Variants in CEP43 observed in about 807,000 individuals in gnomAD.
CEP43 encodes centrosomal protein 43, also known as FGFR1 oncogene partner.
CEP43 carries 36 observed loss-of-function variants against 52.6 expected under a neutral mutation model. The observed-to-expected ratio is 0.68, with a 90% CI of 0.52 to 0.90. CEP43 has a LOEUF of 0.90. Among genes scored for constraint, CEP43 ranks in the 40% least tolerant of loss-of-function variants. CEP43 has a pLI of 0.00. For synonymous variants in CEP43, 192 were observed against 172.4 expected (o/e 1.11, Z -0.89); for missense variants, 506 against 472.8 (o/e 1.07, Z -0.65).
At chr6:167,036,518 C>T (rs143420178) in intron 12 of CEP43, 24 of 985,292 alleles carry the variant, frequency 2.4e-5, no homozygotes, top group African/African-American at 1.0e-4. Context: ...AGGGACAGAA[C>T]ATAAGTGTGC....
At chr6:167,024,320 G>C (rs1202967621) in intron 8 of CEP43, among the ~76,000 whole-genome samples, 1 of 152,156 alleles carries the variant, frequency 6.6e-6, no homozygotes, top group Non-Finnish European at 1.5e-5. Flanking sequence ...AAACCCGGAG[G>C]GTTGTTGGGC....
intron 12 of CEP43, among the ~76,000 whole-genome samples, chr6:167,039,421 G>A (rs1039246220): frequency 8.5e-5 from 13 of 152,176 alleles, no homozygotes; most frequent in East Asian, 5.8e-4. Flanking sequence ...GAGCCACTGC[G>A]CCTGGCCTAT....
At chr6:167,025,748 C>A (rs541191170) in intron 9 of CEP43, among the ~76,000 whole-genome samples, 1 of 152,166 alleles carries the variant, frequency 6.6e-6, no homozygotes, top group South Asian at 2.1e-4. Context: ...TTGCTTCTTT[C>A]CCGTGGTTAC....
intron 7 of CEP43, among the ~76,000 whole-genome samples, chr6:167,020,335 A>G (rs6900132): frequency 0.025 from 3,873 of 152,350 alleles, 172 homozygotes; most frequent in African/African-American, 0.09. Flanking sequence ...CCTACTGTCA[A>G]CTAGTCAAGA....
chr6:167,042,456 C>T lies in CEP43; in HGVS notation c.*2478C>T, dbSNP rs1780720044. ...TTTATACTTTATGTTGGATAACAAC[C>T]TGTGGGCAGTTGTGTAGATGCCATT... On this transcript the variant is annotated 3_prime_UTR_variant, in exon 13 of 13. Coordinates refer to ENST00000366847, the MANE Select transcript of CEP43 (RefSeq NM_007045.4). The T allele has an allele frequency of 6.0e-6, 5 of 837,900 alleles. No individual in the cohort carries two copies. Among genetic ancestry groups the T allele is most frequent in the Non-Finnish European group, 7.2e-6 (5 of 694,354 alleles). 51.9% of individuals were successfully genotyped at this position (837,900 alleles called of 1,614,324 possible). A position where few individuals can be genotyped will look rare whatever the true frequency, so the allele number is the denominator to read the frequency against.
rs536404238 is a variant in CEP43, at chr6:167,026,693, C to T, written c.988+78C>T. On this transcript the variant is annotated intron_variant, in intron 10 of 12. Transcript: ENST00000366847. ...GGTAAGGCTGTAAAAGAAGTGACTC[C>T]GTCTGCCTACGCTGAGCACCTTCCT... 2.6e-4 allele frequency: 219 copies of T among 847,820 alleles called. 1 individual carries two copies. In the South Asian group the frequency reaches 2.9e-3, roughly 11 times the overall value. 52.5% of individuals were successfully genotyped at this position (847,820 alleles called of 1,614,324 possible).
In CEP43 at chr6:167,022,517, C is replaced by G; in HGVS notation, c.688C>G (p.Leu230Val). ...CCATGAAACAAAAATTGGATCTTTT[C>G]TAAGCAACAGAACTTTAGATGGCAA... Reference protein sequence around the residue: ...LSHETKIGSFLSNRTLDGKDK... With the variant: ...LSHETKIGSFVSNRTLDGKDK... Residue 230 changes from leucine (L) to valine (V), a missense_variant, in exon 8 of 13, where the codon CTA becomes GTA. Coordinates refer to ENST00000366847, the MANE Select transcript of CEP43 (RefSeq NM_007045.4). 1 of 1,614,034 alleles carries G rather than the reference C, an allele frequency of 6.2e-7. No individual in the cohort carries two copies.
rs1380121496 is a variant in CEP43 at position 167,052,492 on chromosome 6, A to T, written c.*12514A>T. The T allele has an allele frequency of 6.6e-6, 1 of 152,170 alleles. No homozygotes were observed. Among genetic ancestry groups the T allele is most frequent in the African/African-American group, 2.4e-5 (1 of 41,430 alleles). 9.4% of individuals were successfully genotyped at this position (152,170 alleles called of 1,614,324 possible). Reference sequence around the variant, plus strand: ...AAGATGAAATCCCCCTCTTCCCTGCATCTTATTAGAACAGTGTATCCTGGA... The same window carrying T: ...AAGATGAAATCCCCCTCTTCCCTGCTTCTTATTAGAACAGTGTATCCTGGA... On this transcript the variant is annotated 3_prime_UTR_variant, in exon 13 of 13. Transcript: ENST00000366847.
In CEP43 at chr6:167,038,924, A is replaced by G. The variant is rs1013171599; in HGVS notation, c.1126-980A>G. Among the ~76,000 whole-genome samples the G allele has an allele frequency of 4.6e-5, 7 of 152,198 alleles. 1 individual carries two copies. The highest frequency in any genetic ancestry group is 1.7e-4 in the African/African-American group (7 of 41,522). ...CACCCTAGCAGTACACACCGGGCCC[A>G]ATTTGAGCCTTTTATCCCTCACCCT... On this transcript the variant is annotated intron_variant, in intron 12 of 12. Coordinates refer to ENST00000366847, the MANE Select transcript of CEP43 (RefSeq NM_007045.4).
chr6:167,036,668 A>G, intron 12 of CEP43: 2 of 985,012 alleles, frequency 2.0e-6, no homozygotes, highest in Non-Finnish European at 2.4e-6. Flanking sequence ...TTTCCCTTTC[A>G]AGACTCAAAA....
intron 5 of CEP43, among the ~76,000 whole-genome samples, chr6:167,009,261 T>C (rs905484184): frequency 1.3e-5 from 2 of 150,412 alleles, no homozygotes; most frequent in Non-Finnish European, 3.0e-5. Context: ...GTGCGGTGGC[T>C]CAAACCTGTA....
At position 167,050,789 on chromosome 6, in the gene CEP43, A is replaced by G. The variant is rs924252343; in HGVS notation, c.*10811A>G. ...GAGTGAGACTCAAAAAAGAAAAAAA[A>G]AAAAAAAAAAAAAAAGAAAGAAAAT... On this transcript the variant is annotated 3_prime_UTR_variant, in exon 13 of 13. Transcript: ENST00000366847. 4.8e-4 allele frequency: 70 copies of G among 146,288 alleles called. No individual in the cohort carries two copies. Among genetic ancestry groups the G allele is most frequent in the African/African-American group, 1.7e-3 (69 of 40,964 alleles). 9.1% of individuals were successfully genotyped at this position (146,288 alleles called of 1,614,324 possible).
intron 12 of CEP43, among the ~76,000 whole-genome samples, chr6:167,034,445 G>A (rs906264109): frequency 1.6e-4 from 24 of 152,220 alleles, no homozygotes; most frequent in Admixed American, 5.2e-4. Flanking sequence ...GTTAGAGTCC[G>A]TATTTGAGAT....
chr6:167,034,373 C>T (rs1780539367), intron 12 of CEP43, among the ~76,000 whole-genome samples: 1 of 152,212 alleles, frequency 6.6e-6, no homozygotes. Flanking sequence ...CCAGTTGTGA[C>T]ATCTGAACAG....
At chr6:167,036,141 G>A in intron 12 of CEP43, 2 of 985,370 alleles carry the variant, frequency 2.0e-6, no homozygotes, top group Non-Finnish European at 2.4e-6. Flanking sequence ...AGTGACAGGT[G>A]CCATAAAATG....
intron 7 of CEP43, among the ~76,000 whole-genome samples, chr6:167,017,544 T>A (rs899685357): frequency 6.6e-6 from 1 of 151,840 alleles, no homozygotes; most frequent in African/African-American, 2.4e-5. Context: ...ACAATAGTAT[T>A]TCTTTGATAT....
At position 167,036,215 on chromosome 6, in the gene CEP43, G is replaced by C. The variant is rs1227359960; in HGVS notation, c.1125+2244G>C. On this transcript the variant is annotated intron_variant, in intron 12 of 12. Transcript: ENST00000366847. ...CTAATATTTGACCGGGATTTTGAAA[G>C]ATGACTCTGACTTGGTTCTGCGAGG... The C allele has an allele frequency of 3.0e-6, 3 of 985,310 alleles. No individual in the cohort carries two copies. In the African/African-American group the frequency reaches 5.2e-5, roughly 17 times the overall value. The allele number at this position is 985,310 out of a possible 1,614,324, so 61.0% of individuals were successfully genotyped here.
rs749231041 is a variant in CEP43 at position 166,999,920 on chromosome 6, A to ACGTTT, written c.103-137_103-133dup. On this transcript the variant is annotated intron_variant, in intron 1 of 12. Transcript: ENST00000366847. ...GGTCGGAGAGCTTGTGTGACTGAGA[A>ACGTTT]CGTTTCGGAAGGCGTTTCTGACCTT... 82 of 641,842 alleles carry ACGTTT rather than the reference A, an allele frequency of 1.3e-4. No individual in the cohort carries two copies. The African/African-American group carries it at 1.3e-3, about 10-fold the overall frequency. The allele number at this position is 641,842 out of a possible 1,614,324, so 39.8% of individuals were successfully genotyped here.
chr6:167,012,032 G>A (rs1385729875), intron 6 of CEP43, among the ~76,000 whole-genome samples: 2 of 152,230 alleles, frequency 1.3e-5, no homozygotes, highest in Non-Finnish European at 2.9e-5. Flanking sequence ...GAGTGATGCT[G>A]TGGAGTCCAT....
Sources: allele counts gnomAD v4.1 joint callset (sites outside exome capture counted in the v4.1 genomes callset), GRCh38; gene constraint gnomAD v4.1.1; transcripts MANE v1.5; gene names NCBI Gene and HGNC (gene_info 2026-07-23, HGNC 2026-07-21).